The following CHD5 variants were observed in gnomAD, a reference collection of about 807,000 sequenced individuals.
The protein encoded by CHD5 is ATP-dependent chromatin remodeler CHD5.
In CHD5, 69 loss-of-function variants were observed where a neutral mutation model predicts 230.3. The observed-to-expected ratio is 0.30, with a 90% CI of 0.25 to 0.37. The LOEUF (loss-of-function observed/expected upper bound fraction) is 0.37. Ranked by LOEUF, CHD5 falls within the 10% of genes least tolerant of loss-of-function variation. The pLI, the probability that CHD5 is intolerant of heterozygous loss-of-function variation, is 1.00. For missense variants in CHD5, 1,827 were observed against 2,622.8 expected (o/e 0.70, Z 6.63); for synonymous variants, 1,064 against 1,065.9 (o/e 1.00, Z 0.03).
At chr1:6,122,128 G>A (rs769813252) in intron 31 of CHD5, among the ~76,000 whole-genome samples, 3 of 152,224 alleles carry the variant, frequency 2.0e-5, no homozygotes, top group Admixed American at 2.0e-4. Flanking sequence ...AAACCAAGAT[G>A]TGTCCACCTC....
intron 2 of CHD5, among the ~76,000 whole-genome samples, chr1:6,164,808 T>C (rs949002923): frequency 1.3e-5 from 2 of 151,964 alleles, no homozygotes; most frequent in South Asian, 2.1e-4. Context: ...CCCCTTCCCC[T>C]TCCAAGAACC....
At chr1:6,114,534 T>G (rs1172170535) in intron 33 of CHD5, among the ~76,000 whole-genome samples, 1 of 151,410 alleles carries the variant, frequency 6.6e-6, no homozygotes, top group African/African-American at 2.4e-5. Flanking sequence ...TTTTTTGTGA[T>G]ATATATATAT....
At chr1:6,156,218 G>A (rs1381687579) in intron 3 of CHD5, among the ~76,000 whole-genome samples, 1 of 152,202 alleles carries the variant, frequency 6.6e-6, no homozygotes, top group African/African-American at 2.4e-5. Flanking sequence ...GGGCTCCAGG[G>A]CTGCCTAAGC....
Position 6,155,847 on chromosome 1 carries a change from A to T in CHD5, c.388-130T>A. 3.0e-6 allele frequency: 2 copies of T among 657,842 alleles called. No individual in the cohort carries two copies. The highest frequency in any genetic ancestry group is 1.8e-5 in the South Asian group (1 of 55,962). The allele number at this position is 657,842 out of a possible 1,614,324, so 40.8% of individuals were successfully genotyped here. On this transcript the variant is annotated intron_variant, in intron 3 of 41. Coordinates refer to ENST00000262450, the MANE Select transcript of CHD5 (RefSeq NM_015557.3). This position sits in a 1 kb window ranked among gnomAD's most constrained non-coding sequence, Gnocchi z 4.0. The stretch of plus-strand genomic sequence containing the variant: ...GGGGTTGTGTCTGCAATGTAACCAG[A>T]CCATTCTCACCCACCCTAGGAAACA...
At chr1:6,174,042 G>A (rs1391752872) in intron 1 of CHD5, among the ~76,000 whole-genome samples, 1 of 152,076 alleles carries the variant, frequency 6.6e-6, no homozygotes, top group African/African-American at 2.4e-5. Flanking sequence ...CCTGGGGGGA[G>A]TCACCCTGGG....
intron 25 of CHD5, among the ~76,000 whole-genome samples, chr1:6,127,363 A>G (rs1666575362): frequency 6.6e-6 from 1 of 152,170 alleles, no homozygotes; most frequent in African/African-American, 2.4e-5. Context: ...GGTGCATGCC[A>G]GTAATCCCAG....
chr1:6,109,520 GT>G (rs1666251248), intron 38 of CHD5, among the ~76,000 whole-genome samples: 1 of 152,222 alleles, frequency 6.6e-6, no homozygotes, highest in African/African-American at 2.4e-5. Flanking sequence ...AGCCTTTACA[GT>G]TTCGTGGTTT....
chr1:6,175,253 ATGG>A (rs1455509245), intron 1 of CHD5, among the ~76,000 whole-genome samples: 1 of 136,694 alleles, frequency 7.3e-6, no homozygotes, highest in Non-Finnish European at 1.5e-5. Context: ...TGATGGATGG[ATGG>A]TGGGTGGATG....
chr1:6,130,324 G>T lies in CHD5; in HGVS notation c.3267C>A (p.Pro1089=), dbSNP rs762188393. 6.2e-7 allele frequency: 1 copy of T among 1,613,228 alleles called. No individual in the cohort carries two copies. Among genetic ancestry groups the T allele is most frequent in the Non-Finnish European group, 8.5e-7 (1 of 1,179,576 alleles). ...RQEAIDRFNA[P]GAQQFCFLLS... ...GGAGGAAGCAGAACTGCTGGGCCCC[G>T]GGGGCTGAAAAAGAGAGGCCAGCAG... is the stretch of plus-strand genomic sequence containing the variant. The change falls in exon 22 of 42, where the codon CCC becomes CCA. Residue 1089 remains proline (P), a synonymous_variant. Coordinates refer to ENST00000262450, the MANE Select transcript of CHD5 (RefSeq NM_015557.3). The surrounding 1 kb of genome is among the most constrained non-coding windows in gnomAD (Gnocchi z 4.9).
rs1666650127 is a variant in CHD5 at position 6,131,114 on chromosome 1, T to C, written c.3262+517A>G. ...AAGCTTACAGCCGACTGCTTCCCACTCCAGAAGTTTCTTTTGCTACAGGAG... is the reference window on the plus strand; with the variant it reads ...AAGCTTACAGCCGACTGCTTCCCACCCCAGAAGTTTCTTTTGCTACAGGAG... On this transcript the variant is annotated intron_variant, in intron 21 of 41. Transcript: ENST00000262450. The surrounding 1 kb of genome is among the most constrained non-coding windows in gnomAD (Gnocchi z 5.0). Among the ~76,000 whole-genome samples the C allele has an allele frequency of 6.6e-6, 1 of 152,174 alleles. No homozygotes were observed. Among genetic ancestry groups the C allele is most frequent in the African/African-American group, 2.4e-5 (1 of 41,436 alleles).
chr1:6,149,469 C>A, intron 7 of CHD5, 57 bp from the exon 8 acceptor site: 1 of 1,532,646 alleles, frequency 6.5e-7, no homozygotes, highest in Non-Finnish European at 8.9e-7. Flanking sequence ...AGCACACAAC[C>A]AACTGCATCG....
At position 6,146,650 on chromosome 1, in the gene CHD5, C is replaced by T. The variant is rs1571158950; in HGVS notation, c.1590+15G>A. The T allele has an allele frequency of 6.2e-7, 1 of 1,613,394 alleles. No homozygotes were observed. The highest frequency in any genetic ancestry group is 8.5e-7 in the Non-Finnish European group (1 of 1,179,590). On this transcript the variant is annotated intron_variant, in intron 10 of 41. Coordinates refer to ENST00000262450, the MANE Select transcript of CHD5 (RefSeq NM_015557.3). This position sits in a 1 kb window ranked among gnomAD's most constrained non-coding sequence, Gnocchi z 5.1. The stretch of plus-strand genomic sequence containing the variant: ...GGTCCCGGGCCTTAGCACAGCCACC[C>T]TCCCGGGCACTCACCTGTAGCTCCT...
Position 6,102,566 on chromosome 1 carries a change from G to A in CHD5, c.*2908C>T, listed in dbSNP as rs1011840519. ...TCTGGCTTCTGGCTCCCATGTACCC[G>A]AGCCCACTCTCCACTCCACCTCCTT... On this transcript the variant is annotated 3_prime_UTR_variant, in exon 42 of 42. Transcript: ENST00000262450. 2 of 152,270 alleles carry A rather than the reference G, an allele frequency of 1.3e-5. No homozygotes were observed. Among genetic ancestry groups the A allele is most frequent in the South Asian group, 2.1e-4 (1 of 4,834 alleles). The allele number at this position is 152,270 out of a possible 1,614,324, so 9.4% of individuals were successfully genotyped here. A position where few individuals can be genotyped will look rare whatever the true frequency, so the allele number is the denominator to read the frequency against.
Position 6,154,630 on chromosome 1 carries a change from G to A in CHD5, c.745+30C>T. The A allele has an allele frequency of 6.5e-7, 1 of 1,527,420 alleles. No homozygotes were observed. The highest frequency in any genetic ancestry group is 8.8e-7 in the Non-Finnish European group (1 of 1,136,164). 94.6% of individuals were successfully genotyped at this position (1,527,420 alleles called of 1,614,324 possible). A position where few individuals can be genotyped will look rare whatever the true frequency, so the allele number is the denominator to read the frequency against. On this transcript the variant is annotated intron_variant, in intron 5 of 41. Transcript: ENST00000262450. This position sits in a 1 kb window ranked among gnomAD's most constrained non-coding sequence, Gnocchi z 7.0. ...TCTGAAAGGGACCTCTTCCCAGCGG[G>A]ACTAGGTGCCCACCCAACCCCAGCC...
chr1:6,130,417 A>T lies in CHD5; in HGVS notation c.3263-89T>A. The T allele has an allele frequency of 4.2e-6, 5 of 1,187,598 alleles. No homozygotes were observed. The highest frequency in any genetic ancestry group is 6.0e-6 in the Non-Finnish European group (5 of 831,238). 73.6% of individuals were successfully genotyped at this position (1,187,598 alleles called of 1,614,324 possible). ...ATGGGGGAGAGAACAGAGAGAAGGAACTGCAGCAACAGATCCCTGGCAGAG... is the reference window on the plus strand; with the variant it reads ...ATGGGGGAGAGAACAGAGAGAAGGATCTGCAGCAACAGATCCCTGGCAGAG... On this transcript the variant is annotated intron_variant, in intron 21 of 41. Transcript: ENST00000262450. This position sits in a 1 kb window ranked among gnomAD's most constrained non-coding sequence, Gnocchi z 4.9.
chr1:6,173,116 T>C (rs1667365043), intron 1 of CHD5, among the ~76,000 whole-genome samples: 1 of 150,740 alleles, frequency 6.6e-6, no homozygotes, highest in African/African-American at 2.4e-5. Flanking sequence ...TTCTTTTTTT[T>C]TTTTTTTAGA....
At position 6,131,612 on chromosome 1, in the gene CHD5, T is replaced by C. The variant is rs1018530020; in HGVS notation, c.3262+19A>G. 10 of 1,466,596 alleles carry C rather than the reference T, an allele frequency of 6.8e-6. No individual in the cohort carries two copies. The highest frequency in any genetic ancestry group is 6.7e-5 in the Admixed American group (4 of 59,478). The allele number at this position is 1,466,596 out of a possible 1,614,324, so 90.8% of individuals were successfully genotyped here. Reference sequence around the variant, plus strand: ...CAAAAAGGAGTCTCAATCAGAACCCTTGGGCAGGATGGGGGTACCATTGAA... The same window carrying C: ...CAAAAAGGAGTCTCAATCAGAACCCCTGGGCAGGATGGGGGTACCATTGAA... On this transcript the variant is annotated intron_variant, in intron 21 of 41. Transcript: ENST00000262450. The surrounding 1 kb of genome is among the most constrained non-coding windows in gnomAD (Gnocchi z 5.0).
chr1:6,178,447 CAACTTGCTGAGAAAACCAGTA>C (rs1340176169), intron 1 of CHD5, among the ~76,000 whole-genome samples: 1 of 152,150 alleles, frequency 6.6e-6, no homozygotes, highest in Non-Finnish European at 1.5e-5. Flanking sequence ...CCATAACAAA[CAACTTGCTGAGAAAACCAGTA>C]AACTGGCTTA....
intron 1 of CHD5, among the ~76,000 whole-genome samples, chr1:6,172,519 AT>A (rs1405510974): frequency 1.3e-5 from 2 of 152,076 alleles, no homozygotes; most frequent in South Asian, 4.1e-4. Context: ...CCATCTGCAG[AT>A]TGGGAAACTG....
Sources: allele counts gnomAD v4.1 joint callset (sites outside exome capture counted in the v4.1 genomes callset), GRCh38; gene constraint gnomAD v4.1.1; non-coding constraint Gnocchi (gnomAD v3.1); transcripts MANE v1.5; gene names NCBI Gene and HGNC (gene_info 2026-07-23, HGNC 2026-07-21).